The following PTPN22 variants were observed in gnomAD, a reference collection of about 807,000 sequenced individuals.
The protein encoded by PTPN22 is tyrosine-protein phosphatase non-receptor type 22.
A neutral mutation model predicts 103.3 loss-of-function variants in PTPN22; 85 were observed. The ratio of observed to expected loss-of-function variants is 0.82; its 90% CI spans 0.69 to 0.99. PTPN22 has a LOEUF of 0.99. PTPN22 is among the 50% of genes least tolerant of loss of function. The pLI, the probability that PTPN22 is intolerant of heterozygous loss-of-function variation, is 0.00. For missense variants in PTPN22, 865 were observed against 936.9 expected, an observed-to-expected ratio of 0.92 and a Z score of 1.00; for synonymous variants, 323 against 310.2, an observed-to-expected ratio of 1.04 and a Z score of -0.43.
intron 11 of PTPN22, among the ~76,000 whole-genome samples, chr1:113,846,717 T>G (rs1664088806): frequency 6.6e-6 from 1 of 152,192 alleles, no homozygotes; most frequent in Non-Finnish European, 1.5e-5. Context: ...AAGGATGTTT[T>G]CACTGGGTGT....
chr1:113,842,866 C>G (rs954509025), intron 11 of PTPN22, among the ~76,000 whole-genome samples: 26 of 151,406 alleles, frequency 1.7e-4, no homozygotes, highest in African/African-American at 6.3e-4. Flanking sequence ...CTTTGGGAGG[C>G]CGAGGCGGGC....
intron 11 of PTPN22, among the ~76,000 whole-genome samples, chr1:113,846,704 C>A (rs1374863856): frequency 6.6e-6 from 1 of 152,078 alleles, no homozygotes; most frequent in Non-Finnish European, 1.5e-5. Context: ...CCCTTCAGCC[C>A]TGAAGGATGT....
intron 11 of PTPN22, among the ~76,000 whole-genome samples, chr1:113,840,983 G>A (rs945931971): frequency 6.6e-6 from 1 of 152,204 alleles, no homozygotes; most frequent in African/African-American, 2.4e-5. Context: ...CCAGCACTTT[G>A]GGAGGCTGAG....
intron 18 of PTPN22, among the ~76,000 whole-genome samples, chr1:113,827,037 T>C (rs1194703945): frequency 6.6e-6 from 1 of 152,222 alleles, no homozygotes; most frequent in Non-Finnish European, 1.5e-5. Flanking sequence ...TTCTTCAGCA[T>C]GTATGTTTTT....
Position 113,858,650 on chromosome 1 carries a change from T to G in PTPN22, c.274-77A>C, listed in dbSNP as rs538942832. 1,459 of 1,010,706 alleles carry G rather than the reference T, an allele frequency of 1.4e-3. 21 individuals are homozygous for G. In the African/African-American group the frequency reaches 0.021, roughly 15 times the overall value. 62.6% of individuals were successfully genotyped at this position (1,010,706 alleles called of 1,614,324 possible). On this transcript the variant is annotated intron_variant, in intron 3 of 20. Coordinates refer to ENST00000359785, the Ensembl canonical transcript of PTPN22. ...CACCTAGTCCTCCGCTTCCTTTTTT[T>G]TTTTTTTTTGAGATGGTCTCACTGT...
At chr1:113,818,375 A>G (rs1661328182) in intron 20 of PTPN22, among the ~76,000 whole-genome samples, 1 of 151,814 alleles carries the variant, frequency 6.6e-6, no homozygotes, top group East Asian at 1.9e-4. Flanking sequence ...ATGTTGGCCA[A>G]GATGGTCTCG....
At chr1:113,868,749 G>A (rs774550319) in intron 1 of PTPN22, among the ~76,000 whole-genome samples, 16 of 152,070 alleles carry the variant, frequency 1.1e-4, no homozygotes, top group African/African-American at 3.9e-4. Context: ...GGGTGTAGGG[G>A]ACCTGATGGG....
intron 19 of PTPN22, among the ~76,000 whole-genome samples, chr1:113,821,539 G>C (rs1661612898): frequency 6.6e-6 from 1 of 152,114 alleles, no homozygotes; most frequent in Non-Finnish European, 1.5e-5. Context: ...GGCCAGGCTG[G>C]TCTCAAACTC....
chr1:113,856,307 T>C, intron 7 of PTPN22, 75 bp downstream of exon 7: 1 of 1,460,242 alleles, frequency 6.8e-7, no homozygotes, highest in South Asian at 1.4e-5. Context: ...ATGCCCAGCC[T>C]GAGCTACACA....
At chr1:113,826,762 C>T in intron 18 of PTPN22, among the ~76,000 whole-genome samples, 1 of 145,964 alleles carries the variant, frequency 6.9e-6, no homozygotes, top group South Asian at 2.2e-4. Flanking sequence ...CTCCGCCTCC[C>T]GGGTTCACGC....
chr1:113,826,959 G>A (rs548725013), intron 18 of PTPN22, among the ~76,000 whole-genome samples: 1 of 152,070 alleles, frequency 6.6e-6, no homozygotes, highest in Non-Finnish European at 1.5e-5. Flanking sequence ...GTGAGCCACC[G>A]CGCCCGGCCT....
Position 113,830,014 on chromosome 1 carries a change from C to T in PTPN22, c.2069G>A (p.Arg690His), listed in dbSNP as rs1369870071. The change falls in exon 17 of 21, where the codon CGT becomes CAT. Residue 690 changes from arginine (R) to histidine (H), a missense_variant. Transcript: ENST00000359785. The stretch of plus-strand genomic sequence containing the variant: ...TGGGAGAGGAGGTGGGGGAGAAGAA[C>T]GATCTTGATGTAGTTCTGTGATAAG... The T allele has an allele frequency of 1.5e-5, 24 of 1,602,440 alleles. No individual in the cohort carries two copies. The highest frequency in any genetic ancestry group is 4.0e-5 in the African/African-American group (3 of 74,502).
chr1:113,822,959 A>AC lies in PTPN22; in HGVS notation c.2281+2182_2281+2183insG, dbSNP rs1314562262. 2.8e-4 allele frequency among the ~76,000 whole-genome samples: 42 copies of AC among 152,188 alleles called. 1 individual carries two copies. The highest frequency in any genetic ancestry group is 1.0e-4 in the Non-Finnish European group (7 of 68,040). Reference sequence around the variant, plus strand: ...GGGCGACAGAGCTAGACTCCGTCTCAAAAAAAGCGGGGGCTTTCTTGGACT... The same window carrying AC: ...GGGCGACAGAGCTAGACTCCGTCTCACAAAAAAGCGGGGGCTTTCTTGGACT... On this transcript the variant is annotated intron_variant, in intron 19 of 20. Transcript: ENST00000359785.
intron 1 of PTPN22, among the ~76,000 whole-genome samples, chr1:113,870,165 T>C (rs187666285): frequency 1.5e-4 from 23 of 152,332 alleles, no homozygotes; most frequent in Non-Finnish European, 2.9e-4. Flanking sequence ...AATGACCACA[T>C]TTAATGATTG....
intron 11 of PTPN22, among the ~76,000 whole-genome samples, chr1:113,847,446 C>T (rs1449542489): frequency 6.6e-6 from 1 of 150,658 alleles, no homozygotes; most frequent in Non-Finnish European, 1.5e-5. Context: ...TCGGTGTTGT[C>T]ACCTATTGTC....
At chr1:113,859,623 C>T (rs772070443) in intron 1 of PTPN22, among the ~76,000 whole-genome samples, 163 bp from the exon 2 acceptor site, 4 of 152,178 alleles carry the variant, frequency 2.6e-5, no homozygotes, top group Non-Finnish European at 4.4e-5. Context: ...CATAAGGAGA[C>T]CTGAGTTCAG....
At chr1:113,825,253 T>G in intron 18 of PTPN22, 81 bp from the exon 19 acceptor site, 1 of 901,564 alleles carries the variant, frequency 1.1e-6, no homozygotes, top group Non-Finnish European at 1.7e-6. Flanking sequence ...TAGACTTAAG[T>G]GAAAAGAATT....
At chr1:113,840,367 C>T (rs565156653) in intron 11 of PTPN22, among the ~76,000 whole-genome samples, 3 of 152,038 alleles carry the variant, frequency 2.0e-5, no homozygotes, top group South Asian at 2.1e-4. Context: ...ACACATAAAA[C>T]GAGTTGCATT....
At chr1:113,831,249 C>T (rs768133261) in intron 16 of PTPN22, among the ~76,000 whole-genome samples, 2 of 152,128 alleles carry the variant, frequency 1.3e-5, no homozygotes, top group Non-Finnish European at 2.9e-5. Flanking sequence ...CTCTGCCTAA[C>T]TTTGGGTAGT....
Sources: gnomAD v4.1 joint callset for allele counts (sites outside exome capture counted in the v4.1 genomes callset) on GRCh38, gnomAD v4.1.1 for gene constraint, MANE v1.5 for transcripts, NCBI Gene and HGNC (gene_info 2026-07-23, HGNC 2026-07-21) for gene names.